DPP6: variants seen among roughly 807,000 people sequenced by gnomAD.
DPP6 encodes A-type potassium channel modulatory protein DPP6.
In DPP6, 69 loss-of-function variants were observed where a neutral mutation model predicts 122.6. The ratio of observed to expected loss-of-function variants is 0.56; its 90% CI spans 0.46 to 0.69. The LOEUF is 0.69. Among genes scored for constraint, DPP6 ranks in the 30% least tolerant of loss-of-function variants. DPP6 has a pLI of 0.00. For missense variants in DPP6, 928 were observed against 1,116.9 expected, an observed-to-expected ratio of 0.83 and a Z score of 2.41; for synonymous variants, 418 against 433.1, an observed-to-expected ratio of 0.97 and a Z score of 0.43.
chr7:153,782,990 C>T, the DPP6 span, among the ~76,000 whole-genome samples: 1 of 152,104 alleles, frequency 6.6e-6, no homozygotes, highest in Non-Finnish European at 1.5e-5. Context: ...TGCTGAAATG[C>T]GGAATGTGGC....
At position 154,490,753 on chromosome 7, in the gene DPP6, T is replaced by C. The variant is rs529527056; in HGVS notation, c.457+15716T>C. ...TTTTCCATACATCCATGCTAGCTGC[T>C]TGGGAATTGCCGAGTTCTGAGTCAG... On this transcript the variant is annotated intron_variant, in intron 3 of 25. Transcript: ENST00000377770. Among the ~76,000 whole-genome samples, 230 of 152,298 alleles carry C rather than the reference T, an allele frequency of 1.5e-3. 1 individual carries two copies. Among genetic ancestry groups the C allele is most frequent in the Non-Finnish European group, 2.9e-3 (194 of 68,028 alleles).
intron 1 of DPP6, among the ~76,000 whole-genome samples, chr7:154,276,026 A>G (rs944248443): frequency 7.2e-5 from 11 of 152,332 alleles, no homozygotes; most frequent in Admixed American, 7.2e-4. Context: ...GAAGTTATCT[A>G]TTTAACCTAG....
At chr7:153,803,062 T>C in the DPP6 span, among the ~76,000 whole-genome samples, 1 of 151,230 alleles carries the variant, frequency 6.6e-6, no homozygotes, top group African/African-American at 2.4e-5. Flanking sequence ...TCATGCAGAG[T>C]AGACCTGGCC....
intron 4 of DPP6, among the ~76,000 whole-genome samples, chr7:154,550,896 G>A (rs1482112167): frequency 6.6e-6 from 1 of 151,898 alleles, no homozygotes; most frequent in Non-Finnish European, 1.5e-5. Context: ...GATTACAGGC[G>A]AGTGCCACCA....
At chr7:153,858,885 C>T in the DPP6 span, among the ~76,000 whole-genome samples, 1 of 152,130 alleles carries the variant, frequency 6.6e-6, no homozygotes, top group Non-Finnish European at 1.5e-5. Flanking sequence ...ATCACGCTGT[C>T]TTGTGACAGT....
At chr7:153,958,895 G>A (rs1001536518) in intron 1 of DPP6, among the ~76,000 whole-genome samples, 1 of 151,720 alleles carries the variant, frequency 6.6e-6, no homozygotes, top group African/African-American at 2.4e-5. Flanking sequence ...TGCTTGGCAA[G>A]CGCTTGGAAC....
intron 1 of DPP6, among the ~76,000 whole-genome samples, chr7:154,398,228 T>A (rs760107570): frequency 2.6e-5 from 4 of 152,200 alleles, no homozygotes; most frequent in African/African-American, 4.8e-5. Flanking sequence ...CCAATACCTC[T>A]GTGAGGTACT....
At chr7:153,886,374 G>T (rs1002745170), upstream of DPP6, among the ~76,000 whole-genome samples, 4 of 152,180 alleles carry the variant, frequency 2.6e-5, no homozygotes, top group Non-Finnish European at 5.9e-5. Flanking sequence ...CCCGCCTCTT[G>T]GGGTGGAGGT....
chr7:154,504,956 T>A (rs1027994308), intron 3 of DPP6, among the ~76,000 whole-genome samples: 1 of 152,180 alleles, frequency 6.6e-6, no homozygotes, highest in African/African-American at 2.4e-5. Flanking sequence ...TTTAGGAAAG[T>A]AAGGATCATA....
At chr7:154,226,409 A>G (rs1366940384) in intron 1 of DPP6, among the ~76,000 whole-genome samples, 1 of 152,210 alleles carries the variant, frequency 6.6e-6, no homozygotes, top group Non-Finnish European at 1.5e-5. Context: ...GAAAGGAAGG[A>G]ACCCTTCAGC....
chr7:154,228,257 A>G (rs1405392369), intron 1 of DPP6, among the ~76,000 whole-genome samples: 1 of 152,210 alleles, frequency 6.6e-6, no homozygotes, highest in Non-Finnish European at 1.5e-5. Flanking sequence ...TTAAAAATTG[A>G]TGGGTTTAAC....
intron 5 of DPP6, among the ~76,000 whole-genome samples, chr7:154,575,032 GGT>G (rs1586661572): frequency 7.2e-6 from 1 of 139,362 alleles, no homozygotes; most frequent in East Asian, 2.4e-4. Flanking sequence ...GTATGTGTGT[GGT>G]GTGTGTGGTG....
intron 7 of DPP6, among the ~76,000 whole-genome samples, chr7:154,687,127 A>G (rs1586890441): frequency 6.6e-6 from 1 of 152,190 alleles, no homozygotes; most frequent in Non-Finnish European, 1.5e-5. Context: ...GTCACTATAC[A>G]GTAACATGAG....
chr7:154,024,254 G>C (rs1460103947), intron 1 of DPP6, among the ~76,000 whole-genome samples: 2 of 152,172 alleles, frequency 1.3e-5, no homozygotes, highest in East Asian at 3.9e-4. Flanking sequence ...GCCTGATTCA[G>C]ATAATCTGAT....
chr7:153,824,820 T>C, the DPP6 span, among the ~76,000 whole-genome samples: 1 of 152,200 alleles, frequency 6.6e-6, no homozygotes, highest in Non-Finnish European at 1.5e-5. Flanking sequence ...TCTTTGGCAA[T>C]ACGATTCCTC....
intron 1 of DPP6, among the ~76,000 whole-genome samples, chr7:154,087,553 C>T (rs185857722): frequency 2.0e-5 from 3 of 152,312 alleles, no homozygotes; most frequent in Admixed American, 6.5e-5. Context: ...CACTAAAAGC[C>T]ACACTCAGCT....
chr7:153,824,952 C>T, the DPP6 span, among the ~76,000 whole-genome samples: 4 of 152,166 alleles, frequency 2.6e-5, no homozygotes, highest in Non-Finnish European at 4.4e-5. Flanking sequence ...TGCCTTCTCT[C>T]AGTCCACAGC....
intron 1 of DPP6, among the ~76,000 whole-genome samples, chr7:153,974,324 G>A (rs1355197632): frequency 2.0e-5 from 3 of 152,146 alleles, no homozygotes; most frequent in Admixed American, 6.5e-5. Context: ...CAACTCTCTC[G>A]TTTCCCATGT....
In DPP6 at chr7:154,486,425, C is replaced by T. The variant is rs1360101977; in HGVS notation, c.457+11388C>T. Among the ~76,000 whole-genome samples, 1 of 152,222 alleles carries T rather than the reference C, an allele frequency of 6.6e-6. No individual in the cohort carries two copies. Among genetic ancestry groups the T allele is most frequent in the African/African-American group, 2.4e-5 (1 of 41,464 alleles). On this transcript the variant is annotated intron_variant, in intron 3 of 25. Transcript: ENST00000377770. This position sits in a 1 kb window ranked among gnomAD's most constrained non-coding sequence, Gnocchi z 4.5. ...GGGATTACGGGTGTGAGCCACCATGCCCGGCCACTCATGGCCTCTATTACC... is the reference window on the plus strand; with the variant it reads ...GGGATTACGGGTGTGAGCCACCATGTCCGGCCACTCATGGCCTCTATTACC...
Sources: gnomAD v4.1 joint callset for allele counts (sites outside exome capture counted in the v4.1 genomes callset) on GRCh38, gnomAD v4.1.1 for gene constraint, Gnocchi (gnomAD v3.1) non-coding constraint, MANE v1.5 for transcripts, NCBI Gene and HGNC (gene_info 2026-07-23, HGNC 2026-07-21) for gene names.